The following GPM6A variants were observed in gnomAD, a reference collection of about 807,000 sequenced individuals.
GPM6A encodes the protein neuronal membrane glycoprotein M6-a.
Under a neutral mutation model 32.1 loss-of-function variants are expected in GPM6A, and 7 were observed. The ratio of observed to expected loss-of-function variants is 0.22; its 90% CI spans 0.12 to 0.41. The LOEUF is 0.41. Among genes scored for constraint, GPM6A ranks in the 10% least tolerant of loss-of-function variants. The probability of loss-of-function intolerance (pLI) is 1.00; values close to 1 mark genes in which losing one functional copy is unlikely to be tolerated. For missense variants in GPM6A, 235 were observed against 347.2 expected, an observed-to-expected ratio of 0.68 and a Z score of 2.57; for synonymous variants, 130 against 123.4, an observed-to-expected ratio of 1.05 and a Z score of -0.35.
chr4:175,867,676 T>C (rs1736782792), intron 1 of GPM6A, among the ~76,000 whole-genome samples: 1 of 152,194 alleles, frequency 6.6e-6, no homozygotes, highest in Admixed American at 6.5e-5. Context: ...TATTGCATTG[T>C]CTTGATTAGT....
chr4:175,823,040 T>C (rs1735327356), intron 1 of GPM6A, among the ~76,000 whole-genome samples: 1 of 152,226 alleles, frequency 6.6e-6, no homozygotes, highest in Non-Finnish European at 1.5e-5. Context: ...GCGATTTTTA[T>C]AATTTTTTTT....
chr4:175,644,629 T>A (rs1228025379), intron 4 of GPM6A, among the ~76,000 whole-genome samples: 1 of 152,052 alleles, frequency 6.6e-6, no homozygotes, highest in Non-Finnish European at 1.5e-5. Flanking sequence ...TTATTTTGAT[T>A]CTCATATATC....
chr4:175,829,280 G>A (rs978536210), intron 1 of GPM6A, among the ~76,000 whole-genome samples: 5 of 152,078 alleles, frequency 3.3e-5, no homozygotes, highest in East Asian at 3.8e-4. Flanking sequence ...AAATGGACTC[G>A]ATATAGTTTA....
At chr4:175,981,149 ATTT>A (rs1341698960) in intron 1 of GPM6A, among the ~76,000 whole-genome samples, 1 of 152,100 alleles carries the variant, frequency 6.6e-6, no homozygotes, top group Non-Finnish European at 1.5e-5. Context: ...TTTTTATTTT[ATTT>A]TTATTTGGTG....
intron 1 of GPM6A, among the ~76,000 whole-genome samples, chr4:176,000,252 T>C (rs1175480629): frequency 6.6e-6 from 1 of 152,156 alleles, no homozygotes; most frequent in Non-Finnish European, 1.5e-5. Context: ...ACAGGAAAAA[T>C]GTTATCCACT....
chr4:175,854,461 T>C, intron 1 of GPM6A, among the ~76,000 whole-genome samples: 1 of 152,154 alleles, frequency 6.6e-6, no homozygotes, highest in East Asian at 1.9e-4. Flanking sequence ...ATTGAATAAC[T>C]AGGACTGGAT....
intron 1 of GPM6A, among the ~76,000 whole-genome samples, chr4:175,723,040 G>A (rs114279110): frequency 0.056 from 8,523 of 152,180 alleles, 375 homozygotes; most frequent in African/African-American, 0.11. Flanking sequence ...CAGAGACCCC[G>A]TCTAAAGTAT....
At chr4:175,989,308 T>TTGA (rs1373015934) in intron 1 of GPM6A, among the ~76,000 whole-genome samples, 1 of 152,140 alleles carries the variant, frequency 6.6e-6, no homozygotes, top group African/African-American at 2.4e-5. Flanking sequence ...AACCCAAGGA[T>TTGA]AATAGCCTCT....
chr4:175,873,648 C>G (rs2111443261), intron 1 of GPM6A, among the ~76,000 whole-genome samples: 1 of 152,210 alleles, frequency 6.6e-6, no homozygotes, highest in South Asian at 2.1e-4. Context: ...CACTTAATTT[C>G]TGTTACAAAA....
intron 1 of GPM6A, among the ~76,000 whole-genome samples, chr4:175,799,671 C>CTTTTTTTTTTT (rs374571140): frequency 0.29 from 34,707 of 118,360 alleles, 7,715 homozygotes; most frequent in Non-Finnish European, 0.4. Flanking sequence ...CAAGTGTTTT[C>CTTTTTTTTTTT]TTTTTTTTTT....
At chr4:175,885,949 A>T (rs1018302233) in intron 1 of GPM6A, among the ~76,000 whole-genome samples, 4 of 152,206 alleles carry the variant, frequency 2.6e-5, no homozygotes, top group African/African-American at 9.6e-5. Flanking sequence ...GAGTTGAAAG[A>T]TCTGAGGAAA....
chr4:175,983,277 T>C (rs961715375), intron 1 of GPM6A, among the ~76,000 whole-genome samples: 12 of 152,210 alleles, frequency 7.9e-5, no homozygotes, highest in African/African-American at 2.9e-4. Flanking sequence ...GCTTAACAAA[T>C]ATTTTAAACA....
intron 1 of GPM6A, among the ~76,000 whole-genome samples, chr4:175,913,447 T>G (rs747855365): frequency 3.3e-5 from 5 of 152,214 alleles, no homozygotes; most frequent in Admixed American, 6.5e-5. Flanking sequence ...CTTTAAGATG[T>G]AAACAGATTG....
intron 1 of GPM6A, chr4:176,002,206 A>G (rs1741507000): frequency 8.0e-7 from 1 of 1,245,524 alleles, no homozygotes; most frequent in Admixed American, 2.0e-5. Flanking sequence ...CAGAGCTGGG[A>G]AGGACGCAGT....
At chr4:175,701,482 A>C in intron 2 of GPM6A, 93 bp downstream of exon 2, 1 of 850,386 alleles carries the variant, frequency 1.2e-6, no homozygotes, top group Non-Finnish European at 1.9e-6. Flanking sequence ...CATATATATT[A>C]TCACCTCATC....
chr4:175,651,606 T>C (rs184104455), intron 4 of GPM6A, among the ~76,000 whole-genome samples: 1 of 152,308 alleles, frequency 6.6e-6, no homozygotes, highest in Admixed American at 6.5e-5. Flanking sequence ...TCTGACATCC[T>C]GGTCAATATA....
chr4:175,941,466 T>C (rs1739403190), intron 1 of GPM6A, among the ~76,000 whole-genome samples: 1 of 152,164 alleles, frequency 6.6e-6, no homozygotes, highest in Non-Finnish European at 1.5e-5. Flanking sequence ...GGTATACACA[T>C]GCCATGGTGG....
chr4:175,988,928 T>G (rs185680427), intron 1 of GPM6A, among the ~76,000 whole-genome samples: 3 of 152,258 alleles, frequency 2.0e-5, no homozygotes. Flanking sequence ...ATACAGCCAT[T>G]GGGACAGAAG....
chr4:175,802,408 C>T (rs2111306645), intron 1 of GPM6A, among the ~76,000 whole-genome samples: 1 of 152,110 alleles, frequency 6.6e-6, no homozygotes, highest in Non-Finnish European at 1.5e-5. Flanking sequence ...TACCATTGAC[C>T]AGAGCTCAAA....
Sources: gnomAD v4.1 joint callset for allele counts (sites outside exome capture counted in the v4.1 genomes callset) on GRCh38, gnomAD v4.1.1 for gene constraint, MANE v1.5 for transcripts, NCBI Gene and HGNC (gene_info 2026-07-23, HGNC 2026-07-21) for gene names.